CFAP54: variants seen among roughly 807,000 people sequenced by gnomAD.
The protein encoded by CFAP54 is cilia- and flagella-associated protein 54.
In CFAP54, 290 loss-of-function variants were observed where a neutral mutation model predicts 370.4. That is an observed-to-expected ratio of 0.78 (90% confidence interval 0.71 to 0.86). CFAP54 has a LOEUF of 0.86. CFAP54 is among the 40% of genes least tolerant of loss of function. The pLI, the probability that CFAP54 is intolerant of heterozygous loss-of-function variation, is 0.00. For missense variants in CFAP54, 3,399 were observed against 3,528.7 expected (o/e 0.96, Z 0.93); for synonymous variants, 1,206 against 1,236.5 (o/e 0.98, Z 0.52).
chr12:96,767,439 T>A (rs1225768877), intron 60 of CFAP54, among the ~76,000 whole-genome samples: 1 of 152,250 alleles, frequency 6.6e-6, no homozygotes, highest in Admixed American at 6.5e-5. Context: ...TTGTTCCGTG[T>A]CAGTGGCTTT....
intron 26 of CFAP54, among the ~76,000 whole-genome samples, chr12:96,599,316 T>A: frequency 6.6e-6 from 1 of 152,208 alleles, no homozygotes. Flanking sequence ...GCTTCATCCA[T>A]GTCCCTGCAA....
intron 63 of CFAP54, among the ~76,000 whole-genome samples, chr12:96,798,442 C>G (rs542400325): frequency 6.6e-6 from 1 of 150,972 alleles, no homozygotes; most frequent in East Asian, 2.1e-4. Flanking sequence ...CTACTCATTT[C>G]CATTTTTGCT....
At chr12:96,568,309 G>A (rs776989206) in intron 19 of CFAP54, among the ~76,000 whole-genome samples, 40 of 151,718 alleles carry the variant, frequency 2.6e-4, no homozygotes, top group Admixed American at 1.2e-3. Flanking sequence ...AAAATTATGA[G>A]TATAATGTCC....
At chr12:96,561,708 C>A (rs1021443126) in intron 17 of CFAP54, among the ~76,000 whole-genome samples, 5 of 29,904 alleles carry the variant, frequency 1.7e-4, no homozygotes, top group Admixed American at 8.9e-4. Context: ...AAGAAATACA[C>A]ACACACACAC....
chr12:96,575,838 C>T (rs1330655218), intron 19 of CFAP54, among the ~76,000 whole-genome samples: 2 of 151,994 alleles, frequency 1.3e-5, no homozygotes, highest in African/African-American at 2.4e-5. Context: ...AAAGACTATT[C>T]TTTCTTTATC....
chr12:96,795,436 T>A (rs1023055713), intron 63 of CFAP54, among the ~76,000 whole-genome samples: 2 of 152,078 alleles, frequency 1.3e-5, no homozygotes, highest in African/African-American at 4.8e-5. Flanking sequence ...GCCTAGACTG[T>A]CCTTGGGCAG....
chr12:96,682,221 G>A (rs551908491), intron 40 of CFAP54: 2 of 985,576 alleles, frequency 2.0e-6, no homozygotes, highest in Non-Finnish European at 2.4e-6. Context: ...AGATGCATAT[G>A]TCAATACCCC....
chr12:96,856,446 A>G (rs1161054963), intron 66 of CFAP54, among the ~76,000 whole-genome samples: 1 of 152,136 alleles, frequency 6.6e-6, no homozygotes, highest in Non-Finnish European at 1.5e-5. Flanking sequence ...CTGCTTAGAA[A>G]TTTCTTTTGC....
intron 50 of CFAP54, among the ~76,000 whole-genome samples, chr12:96,722,394 C>G (rs1052280215): frequency 6.6e-6 from 1 of 152,176 alleles, no homozygotes; most frequent in African/African-American, 2.4e-5. Context: ...ATGCAAATAT[C>G]TATAGACAAA....
chr12:96,547,231 G>T (rs1450075475), intron 14 of CFAP54, among the ~76,000 whole-genome samples: 3 of 152,100 alleles, frequency 2.0e-5, no homozygotes, highest in Admixed American at 6.5e-5. Flanking sequence ...TGTCGCCCAG[G>T]CTGGAGTGCA....
intron 26 of CFAP54, among the ~76,000 whole-genome samples, chr12:96,606,157 C>G (rs1204744942): frequency 6.6e-6 from 1 of 152,026 alleles, no homozygotes; most frequent in East Asian, 1.9e-4. Context: ...TGGAGCTGAG[C>G]CTATTTTAGA....
intron 39 of CFAP54, among the ~76,000 whole-genome samples, chr12:96,675,473 C>G (rs1358940915): frequency 6.6e-6 from 1 of 152,142 alleles, no homozygotes; most frequent in Admixed American, 6.5e-5. Flanking sequence ...AATAGGAACA[C>G]TTTTACACTG....
At chr12:96,613,565 T>C (rs547508973) in intron 26 of CFAP54, among the ~76,000 whole-genome samples, 1 of 152,098 alleles carries the variant, frequency 6.6e-6, no homozygotes, top group Non-Finnish European at 1.5e-5. Context: ...CTTCAAAAAA[T>C]CAATGAATCC....
At chr12:96,776,779 T>A (rs1483320787) in intron 60 of CFAP54, among the ~76,000 whole-genome samples, 1 of 152,232 alleles carries the variant, frequency 6.6e-6, no homozygotes, top group Non-Finnish European at 1.5e-5. Context: ...TTGAATGACA[T>A]CTTTTACCCA....
chr12:96,805,066 A>G (rs1958863562), intron 63 of CFAP54, among the ~76,000 whole-genome samples: 1 of 152,060 alleles, frequency 6.6e-6, no homozygotes, highest in African/African-American at 2.4e-5. Flanking sequence ...AACTAGACCC[A>G]TACATCTTAC....
chr12:96,694,315 T>C (rs140399790), intron 45 of CFAP54, among the ~76,000 whole-genome samples: 268 of 152,304 alleles, frequency 1.8e-3, no homozygotes, highest in African/African-American at 6.1e-3. Context: ...GAACACCACA[T>C]GGAGTGGGAA....
Position 96,875,462 on chromosome 12 carries a change from T to G in CFAP54, c.*359T>G, listed in dbSNP as rs561197885. 7.2e-5 allele frequency: 11 copies of G among 152,346 alleles called. No homozygotes were observed. The South Asian group carries it at 2.3e-3, about 32-fold the overall frequency. The allele number at this position is 152,346 out of a possible 1,614,324, so 9.4% of individuals were successfully genotyped here. On this transcript the variant is annotated 3_prime_UTR_variant, in exon 68 of 68. Coordinates refer to ENST00000524981, the MANE Select transcript of CFAP54 (RefSeq NM_001306084.2). ...CTCTCATTTGTCCAGCTTATCTATTTCTTTATCAAGTTGCTTTGGCTTCCC... is the reference window on the plus strand; with the variant it reads ...CTCTCATTTGTCCAGCTTATCTATTGCTTTATCAAGTTGCTTTGGCTTCCC...
At chr12:96,874,933 T>A (rs1592829057) in intron 67 of CFAP54, among the ~76,000 whole-genome samples, 185 bp from the exon 68 acceptor site, 1 of 151,898 alleles carries the variant, frequency 6.6e-6, no homozygotes, top group East Asian at 1.9e-4. Flanking sequence ...TCTGCTTTTT[T>A]AAAGTTTTGG....
chr12:96,551,085 AT>A (rs1204783231), intron 15 of CFAP54, among the ~76,000 whole-genome samples: 1 of 152,150 alleles, frequency 6.6e-6, no homozygotes, highest in Non-Finnish European at 1.5e-5. Flanking sequence ...CCTGGGCAAT[AT>A]GGTGAAACCA....
Sources: allele counts gnomAD v4.1 joint callset (sites outside exome capture counted in the v4.1 genomes callset), GRCh38; gene constraint gnomAD v4.1.1; transcripts MANE v1.5; gene names NCBI Gene and HGNC (gene_info 2026-07-23, HGNC 2026-07-21).